The following TMEM178B variants were observed in gnomAD, a reference collection of about 807,000 sequenced individuals.
TMEM178B encodes transmembrane protein 178B.
TMEM178B carries 5 observed loss-of-function variants against 31.0 expected under a neutral mutation model. The observed-to-expected ratio is 0.16, with a 90% CI of 0.08 to 0.34. The LOEUF is 0.34. TMEM178B is among the 10% of genes least tolerant of loss of function. The pLI, the probability that TMEM178B is intolerant of heterozygous loss-of-function variation, is 1.00. For missense variants in TMEM178B, 275 were observed against 400.3 expected, an observed-to-expected ratio of 0.69 and a Z score of 2.67; for synonymous variants, 164 against 164.0, an observed-to-expected ratio of 1.00 and a Z score of 0.00.
At chr7:141,426,784 G>T (rs906083669) in intron 2 of TMEM178B, among the ~76,000 whole-genome samples, 15 of 152,096 alleles carry the variant, frequency 9.9e-5, no homozygotes, top group South Asian at 4.2e-4. Context: ...TAGTTATATA[G>T]AGAGAAAACC....
At chr7:141,389,891 G>T (rs1332289924) in intron 2 of TMEM178B, among the ~76,000 whole-genome samples, 1 of 152,162 alleles carries the variant, frequency 6.6e-6, no homozygotes, top group Non-Finnish European at 1.5e-5. Context: ...AGGTCTGCCT[G>T]GGATGTCTAG....
At chr7:141,125,224 C>T (rs1201082902) in intron 1 of TMEM178B, among the ~76,000 whole-genome samples, 1 of 152,122 alleles carries the variant, frequency 6.6e-6, no homozygotes, top group East Asian at 1.9e-4. Flanking sequence ...ACAAAAATTC[C>T]CAAGGCAAAA....
chr7:141,459,172 G>A (rs1802018265), intron 3 of TMEM178B, among the ~76,000 whole-genome samples: 2 of 152,196 alleles, frequency 1.3e-5, no homozygotes, highest in Non-Finnish European at 2.9e-5. Flanking sequence ...TGGGATTACA[G>A]GCATGCGCCA....
intron 2 of TMEM178B, among the ~76,000 whole-genome samples, chr7:141,239,902 G>C (rs1211002894): frequency 2.0e-5 from 3 of 152,058 alleles, no homozygotes; most frequent in African/African-American, 4.8e-5. Context: ...GCACTGTCCG[G>C]TAGAAACAGA....
chr7:141,143,293 G>A (rs1187373793), intron 1 of TMEM178B, among the ~76,000 whole-genome samples: 4 of 152,130 alleles, frequency 2.6e-5, no homozygotes, highest in Admixed American at 1.3e-4. Flanking sequence ...CTTTCTCAAG[G>A]CCAATGTCCA....
chr7:141,277,709 G>T (rs1006072856), intron 2 of TMEM178B, among the ~76,000 whole-genome samples: 1 of 152,124 alleles, frequency 6.6e-6, no homozygotes, highest in Non-Finnish European at 1.5e-5. Flanking sequence ...TTTGCAGCTC[G>T]TGACTGTGTG....
chr7:141,233,693 A>C (rs900513910), intron 2 of TMEM178B, among the ~76,000 whole-genome samples: 3 of 152,140 alleles, frequency 2.0e-5, no homozygotes, highest in African/African-American at 7.2e-5. Context: ...TTTGACATGG[A>C]CTTTTGCTGG....
intron 2 of TMEM178B, among the ~76,000 whole-genome samples, chr7:141,269,324 C>G (rs1367881459): frequency 1.3e-5 from 2 of 152,106 alleles, no homozygotes; most frequent in African/African-American, 4.8e-5. Context: ...CTCCTGACCT[C>G]AGGTGATCTG....
At chr7:141,087,051 C>T (rs1393855657) in intron 1 of TMEM178B, among the ~76,000 whole-genome samples, 4 of 152,092 alleles carry the variant, frequency 2.6e-5, no homozygotes, top group Non-Finnish European at 5.9e-5. Context: ...CACATGCATG[C>T]ACATTCAAGC....
chr7:141,424,534 T>C (rs1181730), intron 2 of TMEM178B, among the ~76,000 whole-genome samples: 86,053 of 152,080 alleles, frequency 0.57, 24,733 homozygotes, highest in South Asian at 0.67. Flanking sequence ...GTTAGTGCAG[T>C]TTGCCTCATG....
intron 1 of TMEM178B, among the ~76,000 whole-genome samples, chr7:141,132,002 C>T (rs890731945): frequency 1.2e-4 from 18 of 152,102 alleles, no homozygotes; most frequent in South Asian, 2.1e-4. Flanking sequence ...TGTTTGTACA[C>T]GCACTCATTT....
chr7:141,508,052 T>G, the TMEM178B span, among the ~76,000 whole-genome samples: 1 of 152,216 alleles, frequency 6.6e-6, no homozygotes, highest in Admixed American at 6.5e-5. Context: ...TTTTTATCAC[T>G]TAGTCAGGCT....
intron 2 of TMEM178B, among the ~76,000 whole-genome samples, chr7:141,282,022 G>T (rs1798373563): frequency 6.6e-6 from 1 of 152,194 alleles, no homozygotes; most frequent in South Asian, 2.1e-4. Context: ...GTGTGAGATT[G>T]ACAGGGAAAC....
chr7:141,235,381 A>G, intron 2 of TMEM178B, among the ~76,000 whole-genome samples: 1 of 152,252 alleles, frequency 6.6e-6, no homozygotes, highest in Non-Finnish European at 1.5e-5. Context: ...TTTAGCTTCC[A>G]GTAAAGTACA....
rs2116653555 is a variant in TMEM178B at position 141,422,123 on chromosome 7, T to C, written c.497-15485T>C. Among the ~76,000 whole-genome samples the C allele has an allele frequency of 6.6e-6, 1 of 152,290 alleles. No homozygotes were observed. The highest frequency in any genetic ancestry group is 2.1e-4 in the South Asian group (1 of 4,824). ...CTGTTCAGCTTCTTTATTTTTACGA[T>C]TCTACCTGCTCCCTGTTAACCCTAT... On this transcript the variant is annotated intron_variant, in intron 2 of 3. Transcript: ENST00000565468. The surrounding 1 kb of genome is among the most constrained non-coding windows in gnomAD (Gnocchi z 4.2).
At chr7:141,396,390 C>T (rs534006214) in intron 2 of TMEM178B, among the ~76,000 whole-genome samples, 15 of 152,318 alleles carry the variant, frequency 9.8e-5, no homozygotes, top group African/African-American at 2.4e-4. Flanking sequence ...TGCCTTTTTC[C>T]CAAAGGCGCC....
At chr7:141,134,118 C>G (rs1020446809) in intron 1 of TMEM178B, among the ~76,000 whole-genome samples, 1 of 151,980 alleles carries the variant, frequency 6.6e-6, no homozygotes, top group Non-Finnish European at 1.5e-5. Context: ...GCCTGTAGTC[C>G]CAGCTACTTG....
rs1798296063 is a variant in TMEM178B at position 141,278,118 on chromosome 7, A to T, written c.496+65414A>T. ...TGGGAATATCTAAGAATTTTAGATGACTACAGTCTCATAGATGTCGGCAGT... is the reference window on the plus strand; with the variant it reads ...TGGGAATATCTAAGAATTTTAGATGTCTACAGTCTCATAGATGTCGGCAGT... On this transcript the variant is annotated intron_variant, in intron 2 of 3. Coordinates refer to ENST00000565468, the MANE Select transcript of TMEM178B (RefSeq NM_001195278.2). Among the ~76,000 whole-genome samples, 2 of 152,246 alleles carry T rather than the reference A, an allele frequency of 1.3e-5. 1 individual carries two copies. The highest frequency in any genetic ancestry group is 4.1e-4 in the South Asian group (2 of 4,824).
intron 1 of TMEM178B, among the ~76,000 whole-genome samples, chr7:141,086,118 C>A (rs1469292878): frequency 6.6e-6 from 1 of 152,056 alleles, no homozygotes. Flanking sequence ...TCACTGCAAC[C>A]TCCATCTCCT....
Sources: allele counts gnomAD v4.1 joint callset (sites outside exome capture counted in the v4.1 genomes callset), GRCh38; gene constraint gnomAD v4.1.1; non-coding constraint Gnocchi (gnomAD v3.1); transcripts MANE v1.5; gene names NCBI Gene and HGNC (gene_info 2026-07-23, HGNC 2026-07-21).